CASP8: variants seen among roughly 807,000 people sequenced by gnomAD.
The protein encoded by CASP8 is caspase-8.
Under a neutral mutation model 46.3 loss-of-function variants are expected in CASP8, and 24 were observed. That is an observed-to-expected ratio of 0.52 (90% confidence interval 0.38 to 0.73). CASP8 has a LOEUF of 0.73. Among genes scored for constraint, CASP8 ranks in the 30% least tolerant of loss-of-function variants. The pLI is 0.00. For missense variants in CASP8, 460 were observed against 559.0 expected, an observed-to-expected ratio of 0.82 and a Z score of 1.79; for synonymous variants, 188 against 200.4, an observed-to-expected ratio of 0.94 and a Z score of 0.52.
intron 2 of CASP8, among the ~76,000 whole-genome samples, chr2:201,243,395 TAGAAG>T (rs1462958469): frequency 6.6e-6 from 1 of 152,222 alleles, no homozygotes; most frequent in Non-Finnish European, 1.5e-5. Flanking sequence ...CTATAGGATA[TAGAAG>T]AGATTTCCCA....
chr2:201,253,157 G>C (rs1451698668), intron 2 of CASP8, among the ~76,000 whole-genome samples: 3 of 151,812 alleles, frequency 2.0e-5, no homozygotes, highest in Non-Finnish European at 2.9e-5. Flanking sequence ...CACCACACCC[G>C]ACTAATTTTT....
chr2:201,242,287 C>G (rs1400622163), intron 2 of CASP8: 1 of 152,116 alleles, frequency 6.6e-6, no homozygotes, highest in African/African-American at 2.4e-5. Flanking sequence ...AACAAAATAC[C>G]ATAGACTGGT....
In CASP8 at chr2:201,247,396, G is replaced by A. The variant is rs192308058; in HGVS notation, c.-27+13284G>A. Among the ~76,000 whole-genome samples the A allele has an allele frequency of 9.5e-4, 144 of 151,800 alleles. 1 individual carries two copies. The highest frequency in any genetic ancestry group is 2.2e-3 in the Admixed American group (34 of 15,228). ...TCCCCATAGCATCCATGCTGAAGGC[G>A]CCTTCCTTCTGTCTGTGACCTTGAC... is the stretch of plus-strand genomic sequence containing the variant. On this transcript the variant is annotated intron_variant, in intron 2 of 6. Transcript: ENST00000264274.
intron 2 of CASP8, among the ~76,000 whole-genome samples, chr2:201,246,445 C>A (rs1946525096): frequency 6.6e-6 from 1 of 152,094 alleles, no homozygotes; most frequent in Non-Finnish European, 1.5e-5. Flanking sequence ...ACCCCCATCC[C>A]CACACACACT....
At chr2:201,267,419 T>G (rs1321790826) in intron 2 of CASP8, among the ~76,000 whole-genome samples, 1 of 152,186 alleles carries the variant, frequency 6.6e-6, no homozygotes, top group Non-Finnish European at 1.5e-5. Flanking sequence ...TGTAAGCCGC[T>G]GGCCTGGCAC....
At chr2:201,245,441 A>G (rs1946469853) in intron 2 of CASP8, among the ~76,000 whole-genome samples, 1 of 152,062 alleles carries the variant, frequency 6.6e-6, no homozygotes, top group Non-Finnish European at 1.5e-5. Flanking sequence ...GGGTTTCACC[A>G]TGTTGGCTAG....
intron 2 of CASP8, among the ~76,000 whole-genome samples, chr2:201,253,097 G>A (rs547987450): frequency 6.6e-6 from 1 of 151,928 alleles, no homozygotes; most frequent in East Asian, 1.9e-4. Context: ...CAATCCTCCT[G>A]CCTCAGCCTC....
rs34061886 is a variant in CASP8 at position 201,273,615 on chromosome 2, C to T, written c.595+673C>T. Reference sequence around the variant, plus strand: ...CCTTTCACTTTTTCTACCTGATAAGCGAGGCTGAACCAAGAGAGAGAGCTC... The same window carrying T: ...CCTTTCACTTTTTCTACCTGATAAGTGAGGCTGAACCAAGAGAGAGAGCTC... On this transcript the variant is annotated intron_variant, in intron 5 of 8. Transcript: ENST00000673742. Among the ~76,000 whole-genome samples the T allele has an allele frequency of 4.5e-3, 684 of 152,186 alleles. 1 individual carries two copies. The highest frequency in any genetic ancestry group is 0.016 in the African/African-American group (662 of 41,516).
intron 8 of CASP8, among the ~76,000 whole-genome samples, chr2:201,285,707 A>G (rs549896129): frequency 2.0e-5 from 3 of 152,340 alleles, no homozygotes; most frequent in South Asian, 2.1e-4. Context: ...GAGCCAATTC[A>G]ACTAGTTTTG....
upstream of CASP8, among the ~76,000 whole-genome samples, chr2:201,256,514 C>A (rs1321901331): frequency 6.6e-6 from 1 of 152,234 alleles, no homozygotes; most frequent in Non-Finnish European, 1.5e-5. Flanking sequence ...AAACCAAGGA[C>A]CTTCTGCCCT....
intron 2 of CASP8, among the ~76,000 whole-genome samples, chr2:201,235,952 A>C (rs1443711143): frequency 6.6e-6 from 1 of 152,222 alleles, no homozygotes; most frequent in Non-Finnish European, 1.5e-5. Context: ...AATAGTCTAG[A>C]CCATATAGCC....
intron 7 of CASP8, chr2:201,277,220 G>T: frequency 3.1e-6 from 1 of 322,822 alleles, no homozygotes; most frequent in Non-Finnish European, 5.8e-6. Context: ...AAGACATAAT[G>T]AAAAGCAGTA....
chr2:201,255,009 G>A (rs1159721969), intron 2 of CASP8, among the ~76,000 whole-genome samples: 3 of 152,216 alleles, frequency 2.0e-5, no homozygotes, highest in Admixed American at 6.5e-5. Context: ...GTTGGTTACA[G>A]CAAATGAAGT....
At chr2:201,257,623 G>A (rs1947087919), upstream of CASP8, among the ~76,000 whole-genome samples, 1 of 152,232 alleles carries the variant, frequency 6.6e-6, no homozygotes, top group African/African-American at 2.4e-5. Context: ...GCCAAGGATG[G>A]GAACTCAGCC....
chr2:201,258,875 TTGTTCCCCAAAGACAGTTCTCTAA>T (rs1433052516), upstream of CASP8, among the ~76,000 whole-genome samples: 1 of 152,184 alleles, frequency 6.6e-6, no homozygotes, highest in East Asian at 1.9e-4. Flanking sequence ...GCCCTCTCTC[TTGTTCCCCAAAGACAGTTCTCTAA>T]TGTTTTGATG....
intron 2 of CASP8, chr2:201,269,360 A>G: frequency 1.6e-6 from 1 of 631,336 alleles, no homozygotes; most frequent in Non-Finnish European, 2.9e-6. Flanking sequence ...TTCAACCAGT[A>G]CACTAGATAG....
chr2:201,282,817 G>A (rs1949185035), intron 7 of CASP8, among the ~76,000 whole-genome samples: 1 of 90,696 alleles, frequency 1.1e-5, no homozygotes, highest in African/African-American at 3.4e-5. Context: ...CCGGAAGGGG[G>A]GCTGACCCCC....
intron 7 of CASP8, among the ~76,000 whole-genome samples, chr2:201,279,629 C>T (rs1268001495): frequency 6.6e-6 from 1 of 152,124 alleles, no homozygotes; most frequent in Non-Finnish European, 1.5e-5. Context: ...AATGGACAAC[C>T]AAAGGTCAGC....
At chr2:201,241,230 G>A (rs772768787) in intron 2 of CASP8, 2 of 151,520 alleles carry the variant, frequency 1.3e-5, no homozygotes, top group Non-Finnish European at 2.9e-5. Flanking sequence ...AAAAGCAATA[G>A]AAAAAAAATC....
Sources: allele counts gnomAD v4.1 joint callset (sites outside exome capture counted in the v4.1 genomes callset), GRCh38; gene constraint gnomAD v4.1.1; transcripts MANE v1.5; gene names NCBI Gene and HGNC (gene_info 2026-07-23, HGNC 2026-07-21).